The following RORA variants were observed in gnomAD, a reference collection of about 807,000 sequenced individuals.
The protein encoded by RORA is RAR related orphan receptor A.
In RORA, 7 loss-of-function variants were observed where a neutral mutation model predicts 69.5. The observed-to-expected ratio is 0.10, with a 90% CI of 0.06 to 0.19. RORA has a LOEUF of 0.19. RORA is among the 10% of genes least tolerant of loss of function. RORA has a pLI of 1.00. For missense variants in RORA, 457 were observed against 663.0 expected (o/e 0.69, Z 3.41); for synonymous variants, 261 against 240.8 (o/e 1.08, Z -0.78).
chr15:61,061,149 C>T lies in RORA; in HGVS notation c.166+167904G>A, dbSNP rs372331716. Among the ~76,000 whole-genome samples the T allele has an allele frequency of 2.0e-5, 3 of 152,098 alleles. No individual in the cohort carries two copies. The highest frequency in any genetic ancestry group is 1.9e-4 in the East Asian group (1 of 5,140). The stretch of plus-strand genomic sequence containing the variant: ...CGGGCGGATCACAAGATCAGGAGAT[C>T]GAGACCATCCTGGCTAACATGGTGA... On this transcript the variant is annotated intron_variant, in intron 1 of 10. Coordinates refer to ENST00000335670, the MANE Select transcript of RORA (RefSeq NM_134261.3). This position sits in a 1 kb window ranked among gnomAD's most constrained non-coding sequence, Gnocchi z 4.4.
intron 1 of RORA, among the ~76,000 whole-genome samples, chr15:60,747,914 A>G (rs1030597308): frequency 6.6e-6 from 1 of 152,212 alleles, no homozygotes; most frequent in Non-Finnish European, 1.5e-5. Context: ...CTTTTGTTTT[A>G]TAATTAATAT....
chr15:61,086,960 T>G (rs1326501930), intron 1 of RORA, among the ~76,000 whole-genome samples: 1 of 152,038 alleles, frequency 6.6e-6, no homozygotes, highest in Non-Finnish European at 1.5e-5. Context: ...ATGGCTTGAG[T>G]CCAGGAGTTT....
At chr15:60,820,571 T>C (rs1595741021) in intron 1 of RORA, among the ~76,000 whole-genome samples, 1 of 152,148 alleles carries the variant, frequency 6.6e-6, no homozygotes, top group East Asian at 1.9e-4. Flanking sequence ...TGTAAAATTT[T>C]TAAACATTTT....
chr15:60,883,904 T>C (rs1170845631), intron 1 of RORA, among the ~76,000 whole-genome samples: 1 of 152,238 alleles, frequency 6.6e-6, no homozygotes, highest in African/African-American at 2.4e-5. Flanking sequence ...GTGGGTGTTA[T>C]ATTTAGCCAA....
intron 1 of RORA, among the ~76,000 whole-genome samples, chr15:61,119,463 T>G (rs929430507): frequency 6.6e-6 from 1 of 151,352 alleles, no homozygotes; most frequent in Admixed American, 6.6e-5. Flanking sequence ...CACACAAATA[T>G]ATATATATAC....
chr15:60,859,583 G>T (rs930502085), intron 1 of RORA, among the ~76,000 whole-genome samples: 3 of 147,054 alleles, frequency 2.0e-5, no homozygotes. Context: ...CCAAGAGATT[G>T]TCCCATCTCA....
At chr15:61,040,115 T>TAG (rs1896674669) in intron 1 of RORA, among the ~76,000 whole-genome samples, 1 of 19,524 alleles carries the variant, frequency 5.1e-5, no homozygotes, top group Admixed American at 6.3e-4. Flanking sequence ...CAAGCTTTGA[T>TAG]ATATATATAT....
At chr15:60,880,567 A>T (rs1257472625) in intron 1 of RORA, among the ~76,000 whole-genome samples, 1 of 152,170 alleles carries the variant, frequency 6.6e-6, no homozygotes, top group Non-Finnish European at 1.5e-5. Context: ...TGAACCCAGG[A>T]GGCGGAGGTT....
chr15:60,874,641 T>C (rs912409586), intron 1 of RORA, among the ~76,000 whole-genome samples: 6 of 152,204 alleles, frequency 3.9e-5, no homozygotes, highest in African/African-American at 1.4e-4. Context: ...GCGTATAAAA[T>C]TTCTTCTTAA....
At chr15:60,690,948 C>T (rs781379881) in intron 1 of RORA, among the ~76,000 whole-genome samples, 3 of 152,178 alleles carry the variant, frequency 2.0e-5, no homozygotes, top group Non-Finnish European at 2.9e-5. Flanking sequence ...TCACATCAGT[C>T]CCCTGCTCAA....
intron 1 of RORA, among the ~76,000 whole-genome samples, chr15:60,682,609 T>C (rs1450711092): frequency 6.6e-6 from 1 of 152,150 alleles, no homozygotes; most frequent in East Asian, 1.9e-4. Context: ...TGACACCCAG[T>C]CTTAAATTTA....
intron 1 of RORA, among the ~76,000 whole-genome samples, chr15:60,888,783 C>T (rs565667271): frequency 1.5e-3 from 222 of 152,106 alleles, no homozygotes; most frequent in African/African-American, 4.8e-3. Flanking sequence ...GTCTGTGCTC[C>T]GGGAGAGGTG....
rs928188880 is a variant in RORA at position 60,732,812 on chromosome 15, C to T, written c.167-54126G>A. Among the ~76,000 whole-genome samples, 16 of 151,498 alleles carry T rather than the reference C, an allele frequency of 1.1e-4. 2 individuals carry two copies. The highest frequency in any genetic ancestry group is 9.2e-4 in the Admixed American group (14 of 15,254). The stretch of plus-strand genomic sequence containing the variant: ...ACACACACCCACATACACTCACATA[C>T]TTACAGCTACGCACACACACGTGCA... On this transcript the variant is annotated intron_variant, in intron 1 of 10. Transcript: ENST00000335670.
intron 1 of RORA, among the ~76,000 whole-genome samples, chr15:61,012,575 A>G (rs1464864053): frequency 6.6e-6 from 1 of 152,240 alleles, no homozygotes. Flanking sequence ...ATAGACTTGT[A>G]GGTTAGCAGA....
intron 1 of RORA, among the ~76,000 whole-genome samples, chr15:60,898,384 G>T (rs946176460): frequency 2.0e-5 from 3 of 152,042 alleles, no homozygotes; most frequent in African/African-American, 4.8e-5. Context: ...GGGTTGAAAT[G>T]GTGGCAGGGG....
chr15:60,888,798 T>G (rs1336079674), intron 1 of RORA, among the ~76,000 whole-genome samples: 1 of 151,902 alleles, frequency 6.6e-6, no homozygotes, highest in Non-Finnish European at 1.5e-5. Flanking sequence ...GAGGTGAACC[T>G]GCTTCTTGAT....
chr15:61,002,975 C>CAAAAAA (rs59966691), intron 1 of RORA, among the ~76,000 whole-genome samples: 1 of 117,000 alleles, frequency 8.5e-6, no homozygotes, highest in African/African-American at 3.2e-5. Flanking sequence ...ACTAAAAATA[C>CAAAAAA]AAAAAAAAAA....
intron 1 of RORA, among the ~76,000 whole-genome samples, chr15:61,144,765 C>G (rs1423369424): frequency 1.3e-5 from 2 of 152,066 alleles, no homozygotes; most frequent in East Asian, 1.9e-4. Context: ...ACCCTTTGAC[C>G]CAGCACCACA....
chr15:60,516,197 T>TTA lies in RORA; in HGVS notation c.283-1442_283-1441dup, dbSNP rs1239658387. ...TTTATATATATATTTATATATATAT[T>TTA]TATATATATATTTATATATATATAT... is the stretch of plus-strand genomic sequence containing the variant. On this transcript the variant is annotated intron_variant, in intron 3 of 10. Coordinates refer to ENST00000335670, the MANE Select transcript of RORA (RefSeq NM_134261.3). Among the ~76,000 whole-genome samples the TTA allele has an allele frequency of 8.3e-3, 109 of 13,140 alleles. 2 individuals carry two copies. Among genetic ancestry groups the TTA allele is most frequent in the African/African-American group, 0.027 (68 of 2,518 alleles). The allele number at this position is 13,140 out of a possible 152,430, so 8.6% of individuals were successfully genotyped here. A position where few individuals can be genotyped will look rare whatever the true frequency, so the allele number is the denominator to read the frequency against.
Sources: gnomAD v4.1 joint callset for allele counts (sites outside exome capture counted in the v4.1 genomes callset) on GRCh38, gnomAD v4.1.1 for gene constraint, Gnocchi (gnomAD v3.1) non-coding constraint, MANE v1.5 for transcripts, NCBI Gene and HGNC (gene_info 2026-07-23, HGNC 2026-07-21) for gene names.